The following MTRF1 variants were observed in gnomAD, a reference collection of about 807,000 sequenced individuals.
The protein encoded by MTRF1 is mitochondrial translation release factor 1, also known as peptide chain release factor 1, mitochondrial.
MTRF1 carries 51 observed loss-of-function variants against 62.9 expected under a neutral mutation model. The ratio of observed to expected loss-of-function variants is 0.81; its 90% CI spans 0.65 to 1.02. The LOEUF (loss-of-function observed/expected upper bound fraction) is 1.02. MTRF1 is among the 50% of genes least tolerant of loss of function. The pLI, the probability that MTRF1 is intolerant of heterozygous loss-of-function variation, is 0.00. For synonymous variants in MTRF1, 158 were observed against 181.9 expected (o/e 0.87, Z 1.06); for missense variants, 446 against 530.0 (o/e 0.84, Z 1.56).
chr13:41,227,239 A>T (rs1026106934), intron 7 of MTRF1, among the ~76,000 whole-genome samples: 1 of 151,918 alleles, frequency 6.6e-6, no homozygotes, highest in African/African-American at 2.4e-5. Context: ...GTCAGCCGAG[A>T]TTATGCCTGG....
chr13:41,283,966 TG>T, the MTRF1 span, among the ~76,000 whole-genome samples: 1 of 152,054 alleles, frequency 6.6e-6, no homozygotes, highest in Non-Finnish European at 1.5e-5. Flanking sequence ...CAGCACTAGG[TG>T]GGGGAAACAT....
chr13:41,277,340 C>T, the MTRF1 span, among the ~76,000 whole-genome samples: 3 of 151,970 alleles, frequency 2.0e-5, no homozygotes, highest in Non-Finnish European at 4.4e-5. Context: ...CCATGTTGCC[C>T]AGACTGGTCT....
chr13:41,278,087 G>C, the MTRF1 span, among the ~76,000 whole-genome samples: 3 of 152,340 alleles, frequency 2.0e-5, no homozygotes, highest in Non-Finnish European at 2.9e-5. Flanking sequence ...ATATCTGCCA[G>C]AGTGAGGCCA....
the MTRF1 span, among the ~76,000 whole-genome samples, chr13:41,279,531 A>AT: frequency 6.6e-6 from 1 of 152,230 alleles, no homozygotes; most frequent in East Asian, 1.9e-4. Context: ...CTAAGCTCTG[A>AT]TTTTTTATCT....
chr13:41,231,630 C>CT (rs2035574778), intron 7 of MTRF1, among the ~76,000 whole-genome samples: 2 of 152,174 alleles, frequency 1.3e-5, no homozygotes, highest in Admixed American at 1.3e-4. Flanking sequence ...GATTAATCCT[C>CT]TAACTGCTCC....
At chr13:41,280,712 C>T in the MTRF1 span, among the ~76,000 whole-genome samples, 52 of 152,266 alleles carry the variant, frequency 3.4e-4, no homozygotes, top group South Asian at 1.7e-3. Context: ...CTGTGTTACA[C>T]GCCACTGGTC....
chr13:41,311,213 C>T, the MTRF1 span: 4 of 485,522 alleles, frequency 8.2e-6, no homozygotes, highest in Non-Finnish European at 1.5e-5. Flanking sequence ...CCAAAGGGCG[C>T]TCCGCGCATG....
chr13:41,234,850 A>G (rs1434019910), intron 6 of MTRF1, among the ~76,000 whole-genome samples: 1 of 152,160 alleles, frequency 6.6e-6, no homozygotes, highest in East Asian at 1.9e-4. Context: ...TGACCAGAGA[A>G]TGGAGGTGTA....
In MTRF1 at chr13:41,258,075, A is replaced by G. The variant is rs541648477; in HGVS notation, c.415+2418T>C. Reference sequence around the variant, plus strand: ...ATTAGAATGCATTTCATAAACTTCTACTATACACAAGCAACCTTCTCAAAA... The same window carrying G: ...ATTAGAATGCATTTCATAAACTTCTGCTATACACAAGCAACCTTCTCAAAA... On this transcript the variant is annotated intron_variant, in intron 2 of 9. Coordinates refer to ENST00000379480, the MANE Select transcript of MTRF1 (RefSeq NM_004294.4). Among the ~76,000 whole-genome samples the G allele has an allele frequency of 2.6e-5, 4 of 152,390 alleles. No individual in the cohort carries two copies. In the South Asian group the frequency reaches 8.3e-4, roughly 32 times the overall value.
the MTRF1 span, among the ~76,000 whole-genome samples, chr13:41,302,874 T>C: frequency 6.6e-6 from 1 of 152,086 alleles, no homozygotes; most frequent in Admixed American, 6.6e-5. Context: ...GAAAGAGCAG[T>C]CAAAGTTGAT....
chr13:41,283,301 C>T, the MTRF1 span, among the ~76,000 whole-genome samples: 5 of 152,188 alleles, frequency 3.3e-5, no homozygotes, highest in African/African-American at 4.8e-5. Flanking sequence ...GCGCTGCTGT[C>T]CCCATTAGAG....
At chr13:41,305,670 T>G in the MTRF1 span, among the ~76,000 whole-genome samples, 2 of 152,320 alleles carry the variant, frequency 1.3e-5, no homozygotes, top group African/African-American at 4.8e-5. Flanking sequence ...TGGTTCCCTT[T>G]GTTTAGAATA....
At chr13:41,278,020 A>T in the MTRF1 span, among the ~76,000 whole-genome samples, 4 of 152,242 alleles carry the variant, frequency 2.6e-5, no homozygotes, top group African/African-American at 9.6e-5. Context: ...AGATACTGCT[A>T]TATTACTAGG....
At chr13:41,276,383 G>C in the MTRF1 span, among the ~76,000 whole-genome samples, 1 of 151,956 alleles carries the variant, frequency 6.6e-6, no homozygotes. Flanking sequence ...TGTTGGCCAG[G>C]CTGGTCTTGA....
At chr13:41,307,217 G>A in the MTRF1 span, among the ~76,000 whole-genome samples, 13 of 151,788 alleles carry the variant, frequency 8.6e-5, no homozygotes, top group East Asian at 2.3e-3. Context: ...ATCTTGAATC[G>A]TAACCCCCAG....
chr13:41,311,294 C>G, the MTRF1 span: 2 of 546,494 alleles, frequency 3.7e-6, no homozygotes, highest in South Asian at 4.7e-5. Flanking sequence ...CCGCCGCCGC[C>G]GCTGGCCAAA....
At chr13:41,229,524 G>A (rs2035121810) in intron 7 of MTRF1, 2 of 151,832 alleles carry the variant, frequency 1.3e-5, no homozygotes, top group East Asian at 3.9e-4. Context: ...AATAACCACA[G>A]TTCTACTCTC....
At chr13:41,227,113 A>G (rs1056544175) in intron 7 of MTRF1, among the ~76,000 whole-genome samples, 1 of 152,004 alleles carries the variant, frequency 6.6e-6, no homozygotes, top group African/African-American at 2.4e-5. Flanking sequence ...ACACAGTGAA[A>G]CCCCATCTCT....
chr13:41,252,319 T>C (rs1446682619), intron 5 of MTRF1: 1 of 164,930 alleles, frequency 6.1e-6, no homozygotes, highest in Non-Finnish European at 1.3e-5. Context: ...ATAAAGTTAT[T>C]TAAAGTAAAA....
Sources: allele counts gnomAD v4.1 joint callset (sites outside exome capture counted in the v4.1 genomes callset), GRCh38; gene constraint gnomAD v4.1.1; transcripts MANE v1.5; gene names NCBI Gene and HGNC (gene_info 2026-07-23, HGNC 2026-07-21).